Variants in CPA6 observed in about 807,000 individuals in gnomAD.
The protein encoded by CPA6 is carboxypeptidase A6.
Under a neutral mutation model 63.3 loss-of-function variants are expected in CPA6, and 58 were observed. The observed-to-expected ratio is 0.92, with a 90% CI of 0.74 to 1.14. The LOEUF is 1.14. CPA6 is among the 50% of genes most tolerant of loss of function. CPA6 has a pLI of 0.00. For missense variants in CPA6, 565 were observed against 526.6 expected (o/e 1.07, Z -0.71); for synonymous variants, 185 against 179.0 (o/e 1.03, Z -0.27).
intron 1 of CPA6, among the ~76,000 whole-genome samples, chr8:67,684,409 T>C (rs1245968137): frequency 6.6e-6 from 1 of 152,114 alleles, no homozygotes; most frequent in Non-Finnish European, 1.5e-5. Context: ...CCTGACAACC[T>C]GCCAGCTCCA....
intron 2 of CPA6, among the ~76,000 whole-genome samples, chr8:67,537,449 C>T (rs11990025): frequency 6.6e-6 from 1 of 152,040 alleles, no homozygotes; most frequent in Non-Finnish European, 1.5e-5. Flanking sequence ...AGAATTTATC[C>T]ATTTCTTGTA....
At chr8:67,542,562 A>G (rs1191872671) in intron 2 of CPA6, among the ~76,000 whole-genome samples, 1 of 152,238 alleles carries the variant, frequency 6.6e-6, no homozygotes, top group African/African-American at 2.4e-5. Context: ...TGCAGGTACA[A>G]TCTGTTCTGG....
intron 8 of CPA6, among the ~76,000 whole-genome samples, chr8:67,465,100 A>G (rs1311768962): frequency 1.3e-5 from 2 of 152,198 alleles, no homozygotes; most frequent in Non-Finnish European, 2.9e-5. Flanking sequence ...AGCTTTGGGC[A>G]GTATGGCCAT....
At chr8:67,597,704 T>G (rs1054201883) in intron 2 of CPA6, among the ~76,000 whole-genome samples, 1 of 152,200 alleles carries the variant, frequency 6.6e-6, no homozygotes, top group Non-Finnish European at 1.5e-5. Context: ...GCAATATCAC[T>G]TTGTATAGTT....
chr8:67,716,626 C>T (rs74730996), intron 1 of CPA6, among the ~76,000 whole-genome samples: 3,399 of 152,230 alleles, frequency 0.022, 143 homozygotes, highest in African/African-American at 0.078. Context: ...TCTGTCTGTC[C>T]TTTGCCCATG....
chr8:67,491,573 TC>T (rs1393753969), intron 6 of CPA6, among the ~76,000 whole-genome samples: 1 of 152,178 alleles, frequency 6.6e-6, no homozygotes, highest in Non-Finnish European at 1.5e-5. Flanking sequence ...ACATGTCTAT[TC>T]TTTTTCCTAA....
chr8:67,553,934 G>T (rs1048663940), intron 2 of CPA6, among the ~76,000 whole-genome samples: 1 of 152,162 alleles, frequency 6.6e-6, no homozygotes, highest in Non-Finnish European at 1.5e-5. Flanking sequence ...TTTTTGGCTT[G>T]CTGTAAACCA....
intron 8 of CPA6, among the ~76,000 whole-genome samples, chr8:67,449,621 C>G (rs142773083): frequency 4.7e-4 from 71 of 152,184 alleles, no homozygotes; most frequent in Admixed American, 1.5e-3. Flanking sequence ...TCCATTTGTT[C>G]AGATTCTTGA....
intron 2 of CPA6, among the ~76,000 whole-genome samples, chr8:67,577,310 T>C (rs1000144240): frequency 6.6e-6 from 1 of 152,260 alleles, no homozygotes; most frequent in Admixed American, 6.5e-5. Flanking sequence ...TCTAAACAGA[T>C]AAAACATTTT....
intron 1 of CPA6, among the ~76,000 whole-genome samples, chr8:67,688,269 G>C (rs1333658966): frequency 1.3e-5 from 2 of 152,188 alleles, no homozygotes; most frequent in Non-Finnish European, 2.9e-5. Flanking sequence ...GATTTAAATA[G>C]AGTCTAGAGA....
At chr8:67,428,176 C>T in intron 9 of CPA6, 45 bp from the exon 10 acceptor site, 1 of 1,104,206 alleles carries the variant, frequency 9.1e-7, no homozygotes, top group Non-Finnish European at 1.4e-6. Flanking sequence ...TGCATTGAAA[C>T]TTTTAGATAC....
At chr8:67,456,665 G>A (rs1487796755) in intron 8 of CPA6, among the ~76,000 whole-genome samples, 1 of 152,166 alleles carries the variant, frequency 6.6e-6, no homozygotes, top group Admixed American at 6.5e-5. Flanking sequence ...CTTGTGGTAG[G>A]TGAAATAATG....
rs1245458540 is a variant in CPA6, at chr8:67,475,818, CT to C, written c.838+7949del. Reference sequence around the variant, plus strand: ...CTTTCTTTCTTTCTTTCTTTCTTTCCTTTCTTTTCTTTCTTTCTTTCTTTCT... The same window carrying C: ...CTTTCTTTCTTTCTTTCTTTCTTTCCTTCTTTTCTTTCTTTCTTTCTTTCT... On this transcript the variant is annotated intron_variant, in intron 8 of 10. Coordinates refer to ENST00000297770, the MANE Select transcript of CPA6 (RefSeq NM_020361.5). 1.6e-3 allele frequency among the ~76,000 whole-genome samples: 43 copies of C among 27,448 alleles called. No individual in the cohort carries two copies. In the South Asian group the frequency reaches 0.026, roughly 16 times the overall value. 18.0% of individuals were successfully genotyped at this position (27,448 alleles called of 152,430 possible). A position where few individuals can be genotyped will look rare whatever the true frequency, so the allele number is the denominator to read the frequency against.
At chr8:67,542,460 G>A (rs761754492) in intron 2 of CPA6, among the ~76,000 whole-genome samples, 5 of 152,170 alleles carry the variant, frequency 3.3e-5, no homozygotes, top group Non-Finnish European at 7.3e-5. Flanking sequence ...AAGGATTTGT[G>A]GACAGGTACT....
intron 1 of CPA6, among the ~76,000 whole-genome samples, chr8:67,675,287 G>A (rs1003927481): frequency 6.6e-6 from 1 of 152,076 alleles, no homozygotes; most frequent in Non-Finnish European, 1.5e-5. Context: ...TCCCAACGCT[G>A]GGCTGGTTGC....
intron 1 of CPA6, among the ~76,000 whole-genome samples, chr8:67,736,468 C>T (rs1464488658): frequency 6.6e-6 from 1 of 152,198 alleles, no homozygotes; most frequent in Non-Finnish European, 1.5e-5. Flanking sequence ...TCCTGAATGG[C>T]CTACCCAGTG....
chr8:67,631,031 C>T (rs1005433397), intron 1 of CPA6, among the ~76,000 whole-genome samples: 1 of 152,208 alleles, frequency 6.6e-6, no homozygotes, highest in Non-Finnish European at 1.5e-5. Flanking sequence ...TGGCCCAAGC[C>T]TCCCCAACAT....
At chr8:67,581,901 G>T (rs2128978538) in intron 2 of CPA6, among the ~76,000 whole-genome samples, 1 of 152,272 alleles carries the variant, frequency 6.6e-6, no homozygotes, top group South Asian at 2.1e-4. Context: ...CAAACAAAAA[G>T]TACCAGTCTG....
chr8:67,474,310 C>A (rs1811126542), intron 8 of CPA6, among the ~76,000 whole-genome samples: 2 of 152,100 alleles, frequency 1.3e-5, no homozygotes, highest in South Asian at 4.1e-4. Flanking sequence ...CCACCTCCAC[C>A]TCCCGGATTC....
Sources: allele counts gnomAD v4.1 joint callset (sites outside exome capture counted in the v4.1 genomes callset), GRCh38; gene constraint gnomAD v4.1.1; transcripts MANE v1.5; gene names NCBI Gene and HGNC (gene_info 2026-07-23, HGNC 2026-07-21).